GIT2: variants seen among roughly 807,000 people sequenced by gnomAD.
GIT2 encodes the protein GIT ArfGAP 2.
Under a neutral mutation model 100.3 loss-of-function variants are expected in GIT2, and 32 were observed. The ratio of observed to expected loss-of-function variants is 0.32; its 90% CI spans 0.24 to 0.43. The LOEUF (loss-of-function observed/expected upper bound fraction) is 0.43. Among genes scored for constraint, GIT2 ranks in the 20% least tolerant of loss-of-function variants. The pLI, the probability that GIT2 is intolerant of heterozygous loss-of-function variation, is 1.00. For missense variants in GIT2, 737 were observed against 975.1 expected (o/e 0.76, Z 3.25); for synonymous variants, 353 against 364.1 (o/e 0.97, Z 0.35).
chr12:109,960,017 T>C (rs1165627842), intron 11 of GIT2, 59 bp from the exon 12 acceptor site: 1 of 1,138,404 alleles, frequency 8.8e-7, no homozygotes, highest in Non-Finnish European at 1.3e-6. Flanking sequence ...ACATAAATAG[T>C]CACATAAAAC....
At chr12:109,939,108 G>T (rs1873863227) in intron 17 of GIT2, 57 bp downstream of exon 17, 4 of 999,906 alleles carry the variant, frequency 4.0e-6, no homozygotes, top group South Asian at 1.3e-5. Context: ...GCCCAGGCCT[G>T]CCAGGTCTCT....
chr12:109,989,138 A>C, intron 3 of GIT2, 70 bp from the exon 4 acceptor site: 5 of 952,322 alleles, frequency 5.3e-6, no homozygotes, highest in Non-Finnish European at 8.6e-6. Flanking sequence ...TTGTACTGTA[A>C]AAAGAAGAGG....
rs1162325873 is a variant in GIT2 at position 109,965,591 on chromosome 12, C to T, written c.765-14G>A. On this transcript the variant is annotated splice_polypyrimidine_tract_variant and intron_variant, in intron 8 of 19. Transcript: ENST00000355312. ...AAATCCAGGCTGCTAAGAAAACATA[C>T]AAAGCTAATAAGCAAATAAATAAAG... The T allele has an allele frequency of 1.3e-6, 2 of 1,552,304 alleles. No homozygotes were observed. Among genetic ancestry groups the T allele is most frequent in the African/African-American group, 1.4e-5 (1 of 73,444 alleles).
chr12:109,958,957 A>G (rs1466456809), intron 12 of GIT2, among the ~76,000 whole-genome samples: 4 of 152,130 alleles, frequency 2.6e-5, no homozygotes, highest in Admixed American at 2.0e-4. Flanking sequence ...AGTAATTCTC[A>G]CTGAAGACAT....
chr12:109,968,721 CTTAT>C (rs771900395), intron 7 of GIT2, among the ~76,000 whole-genome samples: 3 of 151,468 alleles, frequency 2.0e-5, no homozygotes, highest in Non-Finnish European at 2.9e-5. Context: ...CTGTGCCCAG[CTTAT>C]TTATTTATTT....
At chr12:109,958,939 T>A (rs1880309804) in intron 12 of GIT2, among the ~76,000 whole-genome samples, 1 of 152,206 alleles carries the variant, frequency 6.6e-6, no homozygotes, top group Non-Finnish European at 1.5e-5. Context: ...CTTATAATTG[T>A]ATATCACAGT....
In GIT2 at chr12:109,974,628, T is replaced by C. The variant is rs73419589; in HGVS notation, c.718+6324A>G. On this transcript the variant is annotated intron_variant, in intron 7 of 19. Transcript: ENST00000355312. ...TTAATACTATTATGGTCTGAAAATATACTTTATAGAATTTTAATTCTTTTA... is the reference window on the plus strand; with the variant it reads ...TTAATACTATTATGGTCTGAAAATACACTTTATAGAATTTTAATTCTTTTA... Among the ~76,000 whole-genome samples the C allele has an allele frequency of 4.9e-3, 744 of 152,324 alleles. 5 individuals are homozygous for C. Among genetic ancestry groups the C allele is most frequent in the African/African-American group, 0.017 (712 of 41,578 alleles).
chr12:109,938,102 C>T (rs1873553331), intron 18 of GIT2, among the ~76,000 whole-genome samples: 5 of 152,238 alleles, frequency 3.3e-5, no homozygotes, highest in Middle Eastern at 3.4e-3. Flanking sequence ...CCTCCTAGAA[C>T]TAGCATTGTC....
rs1238505601 is a variant in GIT2 at position 109,948,878 on chromosome 12, T to C, written c.1393-1374A>G. The C allele has an allele frequency of 4.1e-6, 6 of 1,472,234 alleles. No individual in the cohort carries two copies. Among genetic ancestry groups the C allele is most frequent in the Middle Eastern group, 1.7e-4 (1 of 5,736 alleles). 91.2% of individuals were successfully genotyped at this position (1,472,234 alleles called of 1,614,324 possible). A position where few individuals can be genotyped will look rare whatever the true frequency, so the allele number is the denominator to read the frequency against. ...AATGTGAAAGATCAGATACAAATCATGCTACTTTGTCAACTTTATGTATAT... is the reference window on the plus strand; with the variant it reads ...AATGTGAAAGATCAGATACAAATCACGCTACTTTGTCAACTTTATGTATAT... On this transcript the variant is annotated intron_variant, in intron 14 of 19. Coordinates refer to ENST00000355312, the MANE Select transcript of GIT2 (RefSeq NM_057169.5). This position sits in a 1 kb window ranked among gnomAD's most constrained non-coding sequence, Gnocchi z 4.3.
rs370200013 is a variant in GIT2, at chr12:109,989,056, C to T, written c.312G>A (p.Ala104=). The change falls in exon 4 of 20, where the codon GCG becomes GCA. Residue 104 remains alanine (A), a synonymous_variant. Coordinates refer to ENST00000355312, the MANE Select transcript of GIT2 (RefSeq NM_057169.5). ...NPQDKVHPNK[A]EFIRAKYQML... ...TCTGATACTTGGCTCTGATGAATTC[C>T]GCTTTATTGGGACTGGTTCAAAAAC... The T allele has an allele frequency of 7.5e-6, 12 of 1,606,406 alleles. No homozygotes were observed. The highest frequency in any genetic ancestry group is 5.5e-5 in the South Asian group (5 of 90,912).
chr12:109,974,510 C>T (rs918901286), intron 7 of GIT2, among the ~76,000 whole-genome samples: 8 of 152,068 alleles, frequency 5.3e-5, no homozygotes, highest in East Asian at 1.9e-4. Context: ...TGGGCAACAG[C>T]GCGAGGCTCT....
chr12:109,961,498 G>T, intron 10 of GIT2, 115 bp downstream of exon 10: 1 of 928,398 alleles, frequency 1.1e-6, no homozygotes, highest in Non-Finnish European at 1.8e-6. Flanking sequence ...AAAGGCAAAC[G>T]TCGACACTCG....
In GIT2 at chr12:109,945,320, A is replaced by G. The variant is rs753353800; in HGVS notation, c.1671T>C (p.Ser557=). Residue 557 remains serine (S), a synonymous_variant, in exon 16 of 20, where the codon TCT becomes TCC. Coordinates refer to ENST00000355312, the MANE Select transcript of GIT2 (RefSeq NM_057169.5). The part of the protein sequence containing the change: ...HIGRSALVTS[S]SSLPSFPSTL... ...TGGAGGGGAAGGAAGGCAGAGATGAAGAGGAGGTCACAAGTGCACTCCTCC... is the reference window on the plus strand; with the variant it reads ...TGGAGGGGAAGGAAGGCAGAGATGAGGAGGAGGTCACAAGTGCACTCCTCC... The G allele has an allele frequency of 1.1e-5, 18 of 1,581,514 alleles. No homozygotes were observed. The highest frequency in any genetic ancestry group is 1.2e-5 in the Non-Finnish European group (14 of 1,150,634).
At chr12:109,991,923 T>G in intron 1 of GIT2, 163 bp from the exon 2 acceptor site, 1 of 587,702 alleles carries the variant, frequency 1.7e-6, no homozygotes, top group Admixed American at 3.1e-5. Flanking sequence ...TGGTATGACC[T>G]ACCTTGGCTG....
In GIT2 at chr12:109,945,243, T is replaced by C. The variant is rs373845867; in HGVS notation, c.1731+17A>G. On this transcript the variant is annotated intron_variant, in intron 16 of 19. Coordinates refer to ENST00000355312, the MANE Select transcript of GIT2 (RefSeq NM_057169.5). Reference sequence around the variant, plus strand: ...GGCCCCTCCTCCAGAGAGCAGACCATTCAGAATGTACTTAACCCTTCGGGC... The same window carrying C: ...GGCCCCTCCTCCAGAGAGCAGACCACTCAGAATGTACTTAACCCTTCGGGC... 25 of 1,276,912 alleles carry C rather than the reference T, an allele frequency of 2.0e-5. No homozygotes were observed. In the African/African-American group the frequency reaches 3.2e-4, roughly 16 times the overall value. The allele number at this position is 1,276,912 out of a possible 1,614,324, so 79.1% of individuals were successfully genotyped here.
chr12:109,939,406 TATTGG>T, intron 16 of GIT2, 159 bp from the exon 17 acceptor site: 2 of 545,288 alleles, frequency 3.7e-6, no homozygotes, highest in Non-Finnish European at 6.7e-6. Context: ...AAAAGATGAA[TATTGG>T]ATCCAGAAAT....
At chr12:109,992,947 C>T (rs1233330228) in intron 1 of GIT2, among the ~76,000 whole-genome samples, 1 of 151,818 alleles carries the variant, frequency 6.6e-6, no homozygotes, top group Non-Finnish European at 1.5e-5. Flanking sequence ...GCTGGGATTA[C>T]AGGCTTGAGC....
intron 16 of GIT2, chr12:109,943,030 T>C (rs868750270): frequency 1.3e-5 from 2 of 152,208 alleles, no homozygotes; most frequent in Non-Finnish European, 2.9e-5. Context: ...ATGTATTTAA[T>C]AGGTTTGCAG....
intron 15 of GIT2, among the ~76,000 whole-genome samples, chr12:109,946,090 C>T (rs931190073): frequency 6.6e-6 from 1 of 152,036 alleles, no homozygotes; most frequent in African/African-American, 2.4e-5. Context: ...GCTGAGATCA[C>T]ACCACTGCAC....
Sources: gnomAD v4.1 joint callset for allele counts (sites outside exome capture counted in the v4.1 genomes callset) on GRCh38, gnomAD v4.1.1 for gene constraint, Gnocchi (gnomAD v3.1) non-coding constraint, MANE v1.5 for transcripts, NCBI Gene and HGNC (gene_info 2026-07-23, HGNC 2026-07-21) for gene names.